MEAK7: variants seen among roughly 807,000 people sequenced by gnomAD.
MEAK7 encodes the protein MTOR associated protein MEAK7, also known as MTOR-associated protein MEAK7.
In MEAK7, 68 loss-of-function variants were observed where a neutral mutation model predicts 40.5. The ratio of observed to expected loss-of-function variants is 1.68; its 90% CI spans 1.38 to 2.06. MEAK7 has a LOEUF of 2.06. MEAK7 is among the 30% of genes most tolerant of loss of function. The pLI is 0.00. For missense variants in MEAK7, 918 were observed against 580.5 expected (o/e 1.58, Z -5.98); for synonymous variants, 338 against 231.9 (o/e 1.46, Z -4.16).
chr16:84,497,301 G>C (rs1914130695), intron 2 of MEAK7: 7 of 769,694 alleles, frequency 9.1e-6, no homozygotes, highest in South Asian at 1.7e-5. Context: ...GAGCCCCATG[G>C]AACGGGGAAA....
intron 1 of MEAK7, among the ~76,000 whole-genome samples, chr16:84,499,660 C>A (rs1269148849): frequency 6.6e-6 from 1 of 152,196 alleles, no homozygotes; most frequent in Non-Finnish European, 1.5e-5. Context: ...AATCTCCTCT[C>A]ATTCCTCCCT....
intron 2 of MEAK7, 109 bp downstream of exon 2, chr16:84,497,825 G>A (rs903881190): frequency 6.6e-7 from 1 of 1,505,688 alleles, no homozygotes; most frequent in Non-Finnish European, 9.2e-7. Context: ...ACTTTTCAGT[G>A]TTGCCATCCA....
chr16:84,477,995 T>G lies in MEAK7; in HGVS notation c.*1918A>C, dbSNP rs1912191631. On this transcript the variant is annotated 3_prime_UTR_variant, in exon 8 of 8. Transcript: ENST00000343629. ...CAAAGTCCTAACCTTTGCAGCGGCC[T>G]GGGCAGAAGCAGCAATCAATGGTCA... The G allele has an allele frequency of 6.6e-6, 1 of 152,176 alleles. No individual in the cohort carries two copies. The allele number at this position is 152,176 out of a possible 1,614,324, so 9.4% of individuals were successfully genotyped here.
chr16:84,493,342 A>G (rs1179301459), intron 3 of MEAK7, among the ~76,000 whole-genome samples: 1 of 152,198 alleles, frequency 6.6e-6, no homozygotes, highest in African/African-American at 2.4e-5. Context: ...ACTCTTAAAT[A>G]TCGGTTCCGA....
intron 1 of MEAK7, among the ~76,000 whole-genome samples, chr16:84,499,667 C>G (rs756507162): frequency 7.2e-5 from 11 of 152,188 alleles, no homozygotes; most frequent in Non-Finnish European, 1.5e-4. Context: ...TCTCATTCCT[C>G]CCTCCCACAT....
rs112569818 is a variant in MEAK7 at position 84,491,588 on chromosome 16, C to G, written c.385-2166G>C. 5.1e-3 allele frequency among the ~76,000 whole-genome samples: 732 copies of G among 144,124 alleles called. 3 individuals carry two copies. Among genetic ancestry groups the G allele is most frequent in the Middle Eastern group, 0.017 (4 of 234 alleles). The allele number at this position is 144,124 out of a possible 152,430, so 94.6% of individuals were successfully genotyped here. On this transcript the variant is annotated intron_variant, in intron 3 of 7. Coordinates refer to ENST00000343629, the MANE Select transcript of MEAK7 (RefSeq NM_020947.4). ...GCACGGTGACTCACGCCTATAATCC[C>G]AGCACTTTGGGAGGCCGAGGCAGGT...
At position 84,478,512 on chromosome 16, in the gene MEAK7, C is replaced by T. The variant is rs1003832541; in HGVS notation, c.*1401G>A. 11 of 152,212 alleles carry T rather than the reference C, an allele frequency of 7.2e-5. No homozygotes were observed. Among genetic ancestry groups the T allele is most frequent in the African/African-American group, 2.4e-4 (10 of 41,444 alleles). The allele number at this position is 152,212 out of a possible 1,614,324, so 9.4% of individuals were successfully genotyped here. A position where few individuals can be genotyped will look rare whatever the true frequency, so the allele number is the denominator to read the frequency against. ...AGAGGTTGTATTTTCATCAGATCTGCAAAAGGTCAAAGCTTACAGCAAAAG... is the reference window on the plus strand; with the variant it reads ...AGAGGTTGTATTTTCATCAGATCTGTAAAAGGTCAAAGCTTACAGCAAAAG... On this transcript the variant is annotated 3_prime_UTR_variant, in exon 8 of 8. Coordinates refer to ENST00000343629, the MANE Select transcript of MEAK7 (RefSeq NM_020947.4).
Position 84,477,169 on chromosome 16 carries a change from A to C in MEAK7, c.*2744T>G, listed in dbSNP as rs1529522. The stretch of plus-strand genomic sequence containing the variant: ...CTCAAGCTCCCAAAATGCTGGGATT[A>C]CAGGCGTGAGCCATCACACCCAGCC... On this transcript the variant is annotated 3_prime_UTR_variant, in exon 8 of 8. Coordinates refer to ENST00000343629, the MANE Select transcript of MEAK7 (RefSeq NM_020947.4). 21,822 of 152,320 alleles carry C rather than the reference A, an allele frequency of 0.14. 2,035 individuals carry two copies. The highest frequency in any genetic ancestry group is 0.21 in the South Asian group (996 of 4,814). 9.4% of individuals were successfully genotyped at this position (152,320 alleles called of 1,614,324 possible). A position where few individuals can be genotyped will look rare whatever the true frequency, so the allele number is the denominator to read the frequency against.
intron 4 of MEAK7, 194 bp from the exon 5 acceptor site, chr16:84,487,253 G>C (rs1037905685): frequency 7.7e-6 from 4 of 516,694 alleles, no homozygotes; most frequent in African/African-American, 1.9e-5. Context: ...TATGAAAAAA[G>C]AATGTAAAAT....
chr16:84,486,385 G>A lies in MEAK7; in HGVS notation c.958+246C>T, dbSNP rs192129072. ...GACTTCTCCCACGCCCCATAGACCC[G>A]GCACCGTGTAATAACTGGGCCCGTG... On this transcript the variant is annotated intron_variant, in intron 5 of 7. Coordinates refer to ENST00000343629, the MANE Select transcript of MEAK7 (RefSeq NM_020947.4). The A allele has an allele frequency of 7.2e-6, 9 of 1,242,108 alleles. No homozygotes were observed. In the East Asian group the frequency reaches 1.3e-4, roughly 18 times the overall value. 76.9% of individuals were successfully genotyped at this position (1,242,108 alleles called of 1,614,324 possible).
At chr16:84,482,829 G>A (rs1912697002) in intron 5 of MEAK7, 119 bp from the exon 6 acceptor site, 1 of 1,455,524 alleles carries the variant, frequency 6.9e-7, no homozygotes, top group African/African-American at 1.4e-5. Flanking sequence ...TCTCACCCAT[G>A]TCCAGGTGTC....
rs555257163 is a variant in MEAK7 at position 84,485,607 on chromosome 16, C to T, written c.958+1024G>A. ...CAGAGGACAGCCCACTGATGGGCGACGCATCTGTAAACATTTCAAAAACTA... is the reference window on the plus strand; with the variant it reads ...CAGAGGACAGCCCACTGATGGGCGATGCATCTGTAAACATTTCAAAAACTA... On this transcript the variant is annotated intron_variant, in intron 5 of 7. Transcript: ENST00000343629. Among the ~76,000 whole-genome samples, 14 of 152,280 alleles carry T rather than the reference C, an allele frequency of 9.2e-5. 1 individual carries two copies. The South Asian group carries it at 1.5e-3, about 16-fold the overall frequency.
chr16:84,498,079 T>C lies in MEAK7; in HGVS notation c.8A>G (p.Asn3Ser). ...GCTCCGCCCCACACGGCTTCTGCTG[T>C]TCCCCATCTGTCCTGATATCTGGCA... is the stretch of plus-strand genomic sequence containing the variant. MG[N>S]SRSRVGRSFC... Residue 3 changes from asparagine (N) to serine (S), a missense_variant, in exon 2 of 8, where the codon AAC becomes AGC. Transcript: ENST00000343629. 6.2e-7 allele frequency: 1 copy of C among 1,610,240 alleles called. No homozygotes were observed. Among genetic ancestry groups the C allele is most frequent in the East Asian group, 2.2e-5 (1 of 44,850 alleles).
At chr16:84,490,652 A>ATGTGTGTGTGTGTGTGT (rs1913504506) in intron 3 of MEAK7, among the ~76,000 whole-genome samples, 1 of 38,564 alleles carries the variant, frequency 2.6e-5, no homozygotes, top group Non-Finnish European at 4.9e-5. Flanking sequence ...AAGCTAATCA[A>ATGTGTGTGTGTGTGTGT]GATGTGTGTG....
At position 84,480,609 on chromosome 16, in the gene MEAK7, G is replaced by A. The variant is rs1385072275; in HGVS notation, c.1177C>T (p.Pro393Ser). The A allele has an allele frequency of 1.9e-6, 3 of 1,613,918 alleles. No individual in the cohort carries two copies. The highest frequency in any genetic ancestry group is 1.3e-5 in the African/African-American group (1 of 74,898). Residue 393 changes from proline to serine, a missense_variant, in exon 7 of 8, where the codon CCG (proline) becomes TCG (serine). By Grantham distance (74) the Pro-to-Ser change is moderately conservative. Transcript: ENST00000343629. ...AKPTCTTYNS[P>S]QLSAQENFQF... is the part of the protein sequence containing the mutation. The stretch of plus-strand genomic sequence containing the variant: ...AAGTTCTCCTGAGCCGACAGCTGCG[G>A]GCTGTTGTACGTGGTGCACGTGGGC...
At chr16:84,495,329 G>A (rs769958074) in intron 3 of MEAK7, among the ~76,000 whole-genome samples, 4 of 152,172 alleles carry the variant, frequency 2.6e-5, no homozygotes, top group African/African-American at 7.2e-5. Flanking sequence ...CTGATCATAT[G>A]TAAAGTGCTG....
chr16:84,482,462 C>G (rs1268695355), intron 6 of MEAK7, 130 bp downstream of exon 6: 2 of 1,463,930 alleles, frequency 1.4e-6, no homozygotes, highest in Non-Finnish European at 1.9e-6. Context: ...ACAGAAGGAA[C>G]TGGACATGGC....
intron 2 of MEAK7, among the ~76,000 whole-genome samples, chr16:84,496,692 G>A (rs918460521): frequency 2.6e-5 from 4 of 152,000 alleles, no homozygotes; most frequent in Admixed American, 6.6e-5. Flanking sequence ...GATGCAGGAC[G>A]TTCTCTCACC....
intron 1 of MEAK7, chr16:84,504,273 C>G (rs1180414725): frequency 1.9e-6 from 1 of 519,986 alleles, no homozygotes; most frequent in Non-Finnish European, 2.5e-6. Context: ...TCTACACAGG[C>G]TCTGAATCCC....
Sources: gnomAD v4.1 joint callset for allele counts (sites outside exome capture counted in the v4.1 genomes callset) on GRCh38, gnomAD v4.1.1 for gene constraint, MANE v1.5 for transcripts, NCBI Gene and HGNC (gene_info 2026-07-23, HGNC 2026-07-21) for gene names.